TNNI3K: variants seen among roughly 807,000 people sequenced by gnomAD.
TNNI3K encodes TNNI3 interacting kinase, also known as serine/threonine-protein kinase TNNI3K.
Under a neutral mutation model 114.5 loss-of-function variants are expected in TNNI3K, and 140 were observed. The observed-to-expected ratio is 1.22, with a 90% CI of 1.07 to 1.41. TNNI3K has a LOEUF of 1.41. Ranked by LOEUF, TNNI3K falls within the 40% of genes most tolerant of loss-of-function variation. The pLI is 0.00. For synonymous variants in TNNI3K, 347 were observed against 347.5 expected (o/e 1.00, Z 0.02); for missense variants, 1,125 against 1,007.6 (o/e 1.12, Z -1.58).
chr1:74,468,788 T>C (rs1296222009), intron 21 of TNNI3K, among the ~76,000 whole-genome samples: 1 of 152,092 alleles, frequency 6.6e-6, no homozygotes, highest in Non-Finnish European at 1.5e-5. Flanking sequence ...AACATTTTTG[T>C]TCCCCTACTA....
At chr1:74,338,421 T>C (rs1162858336) in intron 7 of TNNI3K, among the ~76,000 whole-genome samples, 1 of 152,056 alleles carries the variant, frequency 6.6e-6, no homozygotes, top group African/African-American at 2.4e-5. Context: ...TCGCTTTTCC[T>C]CACAAACTTT....
chr1:74,475,232 G>A (rs1169654058), intron 21 of TNNI3K: 3 of 610,820 alleles, frequency 4.9e-6, no homozygotes, highest in East Asian at 5.5e-5. Context: ...ATTAAAGGAG[G>A]GAGGCTCCCT....
At chr1:74,425,611 C>T (rs1003300266) in intron 17 of TNNI3K, among the ~76,000 whole-genome samples, 2 of 152,030 alleles carry the variant, frequency 1.3e-5, no homozygotes, top group African/African-American at 4.8e-5. Flanking sequence ...TGTTGGTTAC[C>T]AATAACTCCC....
At chr1:74,304,248 A>G (rs1441748152) in intron 5 of TNNI3K, among the ~76,000 whole-genome samples, 1 of 152,198 alleles carries the variant, frequency 6.6e-6, no homozygotes, top group Non-Finnish European at 1.5e-5. Context: ...CATGAAAGAA[A>G]GAGTCAATCA....
intron 20 of TNNI3K, among the ~76,000 whole-genome samples, chr1:74,452,294 G>A (rs892608021): frequency 3.3e-5 from 5 of 152,056 alleles, no homozygotes; most frequent in African/African-American, 1.2e-4. Flanking sequence ...TTTATAAATT[G>A]CAAACTCTCT....
intron 5 of TNNI3K, among the ~76,000 whole-genome samples, chr1:74,301,210 G>C (rs367736808): frequency 3.9e-5 from 6 of 152,180 alleles, no homozygotes; most frequent in African/African-American, 1.4e-4. Context: ...GATCATCCTG[G>C]CCAACATGGT....
At chr1:74,480,192 C>T in intron 21 of TNNI3K, 2 of 717,444 alleles carry the variant, frequency 2.8e-6, no homozygotes, top group Middle Eastern at 2.3e-4. Flanking sequence ...ACATCTGGTC[C>T]TGGGAGGAGG....
chr1:74,269,373 C>T (rs1656207164), intron 4 of TNNI3K, among the ~76,000 whole-genome samples: 1 of 151,770 alleles, frequency 6.6e-6, no homozygotes, highest in Admixed American at 6.6e-5. Context: ...GTTTGAAACA[C>T]CAGATATGCT....
chr1:74,524,219 T>C (rs1006078593), intron 23 of TNNI3K, among the ~76,000 whole-genome samples: 3 of 152,208 alleles, frequency 2.0e-5, no homozygotes, highest in Non-Finnish European at 2.9e-5. Flanking sequence ...ATCAGAAGTA[T>C]TTAGAGGCAT....
chr1:74,288,642 A>G (rs773262603), intron 5 of TNNI3K, among the ~76,000 whole-genome samples: 3 of 152,074 alleles, frequency 2.0e-5, no homozygotes, highest in Non-Finnish European at 4.4e-5. Context: ...TGCGTTGGTC[A>G]AAGGATACGA....
intron 21 of TNNI3K, among the ~76,000 whole-genome samples, chr1:74,477,601 T>G (rs1410228532): frequency 6.6e-6 from 1 of 152,104 alleles, no homozygotes; most frequent in African/African-American, 2.4e-5. Flanking sequence ...GAAATGAGAG[T>G]AAACATAATT....
intron 23 of TNNI3K, among the ~76,000 whole-genome samples, chr1:74,501,150 T>TA: frequency 6.6e-6 from 1 of 152,154 alleles, no homozygotes; most frequent in Non-Finnish European, 1.5e-5. Context: ...AATCTCTTTT[T>TA]AAAAAATATT....
At chr1:74,386,412 T>C (rs1040669878) in intron 17 of TNNI3K, among the ~76,000 whole-genome samples, 1 of 152,086 alleles carries the variant, frequency 6.6e-6, no homozygotes, top group Non-Finnish European at 1.5e-5. Context: ...ATGTGGAGCA[T>C]GGGAGTGCAG....
At chr1:74,327,536 G>A (rs1008785209) in intron 5 of TNNI3K, among the ~76,000 whole-genome samples, 2 of 145,206 alleles carry the variant, frequency 1.4e-5, no homozygotes, top group African/African-American at 5.0e-5. Flanking sequence ...TTTATATATT[G>A]AGTATATATA....
chr1:74,494,841 T>C (rs1350866042), intron 23 of TNNI3K, among the ~76,000 whole-genome samples: 2 of 152,150 alleles, frequency 1.3e-5, no homozygotes, highest in Non-Finnish European at 2.9e-5. Flanking sequence ...CAGTACTTGA[T>C]TGAAAGATGC....
rs1449525961 is a variant in TNNI3K, at chr1:74,271,642, T to C, written c.378T>C (p.Asp126=). ...LITSLLHSGA[D]IQQVGYGGLT... is the part of the protein sequence containing the mutation. ...CTTCTCTGCTTCACAGTGGAGCTGA[T>C]ATACAGCAGGTTGGATACGGTGGCC... The change falls in exon 5 of 25, where the codon GAT becomes GAC. Residue 126 remains aspartate (D), a synonymous_variant. Transcript: ENST00000326637. 6.2e-7 allele frequency: 1 copy of C among 1,609,456 alleles called. No individual in the cohort carries two copies. Among genetic ancestry groups the C allele is most frequent in the African/African-American group, 1.3e-5 (1 of 74,666 alleles).
intron 2 of TNNI3K, 117 bp from the exon 3 acceptor site, chr1:74,249,342 C>A: frequency 9.3e-7 from 1 of 1,074,166 alleles, no homozygotes; most frequent in Non-Finnish European, 1.3e-6. Context: ...GCAAAATAAT[C>A]TTAGAAAAAA....
chr1:74,525,728 G>C (rs1646495581), intron 23 of TNNI3K, among the ~76,000 whole-genome samples: 1 of 152,192 alleles, frequency 6.6e-6, no homozygotes, highest in Non-Finnish European at 1.5e-5. Flanking sequence ...CAAGGCCACA[G>C]AGAACTTCTT....
In TNNI3K at chr1:74,398,605, G is replaced by T. The variant is rs190240367; in HGVS notation, c.1772+28213G>T. 1.3e-4 allele frequency among the ~76,000 whole-genome samples: 20 copies of T among 152,270 alleles called. No individual in the cohort carries two copies. The East Asian group carries it at 3.9e-3, about 29-fold the overall frequency. On this transcript the variant is annotated intron_variant, in intron 17 of 24. Transcript: ENST00000326637. Reference sequence around the variant, plus strand: ...CTGGTAATGGTAGACCACCTCTCAGGCTGGGTGGAGGCCTTCCCCCTCCCA... The same window carrying T: ...CTGGTAATGGTAGACCACCTCTCAGTCTGGGTGGAGGCCTTCCCCCTCCCA...
Sources: allele counts gnomAD v4.1 joint callset (sites outside exome capture counted in the v4.1 genomes callset), GRCh38; gene constraint gnomAD v4.1.1; transcripts MANE v1.5; gene names NCBI Gene and HGNC (gene_info 2026-07-23, HGNC 2026-07-21).